Variants in TLCD4 observed in about 807,000 individuals in gnomAD.
TLCD4 encodes the protein TLC domain-containing protein 4.
A neutral mutation model predicts 24.2 loss-of-function variants in TLCD4; 7 were observed. That is an observed-to-expected ratio of 0.29 (90% CI 0.16 to 0.54). TLCD4 has a LOEUF of 0.54. Among genes scored for constraint, TLCD4 ranks in the 20% least tolerant of loss-of-function variants. TLCD4 has a pLI of 0.95. For missense variants in TLCD4, 259 were observed against 313.9 expected (o/e 0.82, Z 1.32); for synonymous variants, 103 against 106.4 (o/e 0.97, Z 0.20).
the TLCD4 span, among the ~76,000 whole-genome samples, chr1:95,104,679 A>AAAAAAAAAAAAAAAAAAAAAAAAAC: frequency 6.8e-6 from 1 of 147,952 alleles, no homozygotes; most frequent in Non-Finnish European, 1.5e-5. Context: ...AAAAAAAAAA[A>AAAAAAAAAAAAAAAAAAAAAAAAAC]AGCGTTTAAC....
intron 6 of TLCD4, 57 bp downstream of exon 6, chr1:95,173,946 G>C: frequency 6.2e-7 from 1 of 1,606,586 alleles, no homozygotes; most frequent in South Asian, 1.1e-5. Context: ...TTTAGTTTGG[G>C]CAAATCCTTT....
chr1:95,136,446 C>G (rs1409892229), intron 1 of TLCD4, among the ~76,000 whole-genome samples: 1 of 152,188 alleles, frequency 6.6e-6, no homozygotes, highest in African/African-American at 2.4e-5. Flanking sequence ...AAACCTGATT[C>G]TGTTAACTTA....
At chr1:95,098,196 C>T in the TLCD4 span, among the ~76,000 whole-genome samples, 10 of 152,226 alleles carry the variant, frequency 6.6e-5, no homozygotes, top group East Asian at 1.9e-4. Flanking sequence ...GTTCTCTTTC[C>T]TAAAGTCATA....
chr1:95,117,840 G>A (rs535795748), intron 1 of TLCD4: 4 of 151,250 alleles, frequency 2.6e-5, no homozygotes, highest in Non-Finnish European at 4.4e-5. Context: ...GTGTGCGGAA[G>A]GCTCAGCATC....
intron 1 of TLCD4, among the ~76,000 whole-genome samples, chr1:95,126,538 T>G (rs941336678): frequency 6.6e-6 from 1 of 151,938 alleles, no homozygotes; most frequent in Non-Finnish European, 1.5e-5. Context: ...CTTGAAACAG[T>G]GATTTATTAT....
At chr1:95,144,983 A>C (rs2100938661) in intron 2 of TLCD4, among the ~76,000 whole-genome samples, 1 of 152,228 alleles carries the variant, frequency 6.6e-6, no homozygotes, top group Middle Eastern at 3.4e-3. Context: ...GAGCCACTGC[A>C]CCCTGCCAGA....
intron 1 of TLCD4, among the ~76,000 whole-genome samples, chr1:95,122,741 A>C (rs1191873749): frequency 6.6e-6 from 1 of 152,190 alleles, no homozygotes; most frequent in African/African-American, 2.4e-5. Flanking sequence ...CACATTGATG[A>C]GTTTATGCAT....
At chr1:95,118,306 G>A (rs1463463434) in intron 1 of TLCD4, among the ~76,000 whole-genome samples, 1 of 152,114 alleles carries the variant, frequency 6.6e-6, no homozygotes, top group Non-Finnish European at 1.5e-5. Flanking sequence ...AATGGGATTC[G>A]TAATGCCAGC....
At chr1:95,123,000 G>A (rs548618500) in intron 1 of TLCD4, among the ~76,000 whole-genome samples, 8 of 151,580 alleles carry the variant, frequency 5.3e-5, no homozygotes, top group Admixed American at 2.0e-4. Flanking sequence ...GAGAAATAGG[G>A]TCTCACTGTG....
chr1:95,183,131 G>A (rs1678706233), intron 6 of TLCD4, among the ~76,000 whole-genome samples: 1 of 152,128 alleles, frequency 6.6e-6, no homozygotes, highest in Non-Finnish European at 1.5e-5. Flanking sequence ...CAAAAGTTTG[G>A]GTTAGGTTAC....
At chr1:95,128,815 T>C (rs1311731265) in intron 1 of TLCD4, among the ~76,000 whole-genome samples, 1 of 152,186 alleles carries the variant, frequency 6.6e-6, no homozygotes, top group Non-Finnish European at 1.5e-5. Flanking sequence ...AGGCACTTAA[T>C]TGGATCAGAG....
At chr1:95,128,079 C>T (rs1022443150) in intron 1 of TLCD4, among the ~76,000 whole-genome samples, 1 of 151,982 alleles carries the variant, frequency 6.6e-6, no homozygotes, top group Non-Finnish European at 1.5e-5. Context: ...CTAGCCTGGG[C>T]GAAAGAGTAA....
At chr1:95,124,165 A>G (rs1471963287) in intron 1 of TLCD4, among the ~76,000 whole-genome samples, 1 of 152,220 alleles carries the variant, frequency 6.6e-6, no homozygotes, top group Non-Finnish European at 1.5e-5. Context: ...TTTTTTACAA[A>G]GATGCATATG....
rs560766928 is a variant in TLCD4 at position 95,160,003 on chromosome 1, C to T, written c.399+8584C>T. 5.8e-4 allele frequency among the ~76,000 whole-genome samples: 89 copies of T among 152,234 alleles called. 1 individual carries two copies. The highest frequency in any genetic ancestry group is 4.4e-3 in the Admixed American group (68 of 15,292). Reference sequence around the variant, plus strand: ...TGGCAATGCGGGCTCTTTTTTCATTCCATATGAACTTTAAAGTAGTTTTTT... The same window carrying T: ...TGGCAATGCGGGCTCTTTTTTCATTTCATATGAACTTTAAAGTAGTTTTTT... On this transcript the variant is annotated intron_variant, in intron 5 of 6. Coordinates refer to ENST00000370203, the MANE Select transcript of TLCD4 (RefSeq NM_152487.3).
chr1:95,105,149 G>C, the TLCD4 span, among the ~76,000 whole-genome samples: 1 of 152,160 alleles, frequency 6.6e-6, no homozygotes, highest in East Asian at 1.9e-4. Context: ...GAGTATAATT[G>C]TACCACATAT....
At chr1:95,183,763 G>T (rs939349029) in intron 6 of TLCD4, among the ~76,000 whole-genome samples, 3 of 152,058 alleles carry the variant, frequency 2.0e-5, no homozygotes, top group African/African-American at 7.2e-5. Flanking sequence ...GCTTGAATCT[G>T]GGAGGCGGAG....
intron 6 of TLCD4, 129 bp downstream of exon 6, chr1:95,174,018 A>G (rs1346094202): frequency 2.5e-5 from 33 of 1,308,746 alleles, no homozygotes; most frequent in Admixed American, 2.5e-5. Context: ...TGTTATCACC[A>G]TCATACAAAT....
chr1:95,092,564 C>G, the TLCD4 span, among the ~76,000 whole-genome samples: 1 of 152,346 alleles, frequency 6.6e-6, no homozygotes, highest in Non-Finnish European at 1.5e-5. Flanking sequence ...CTACTGCTCA[C>G]TCTTTAGGTC....
chr1:95,169,048 T>G (rs895243984), intron 5 of TLCD4, among the ~76,000 whole-genome samples: 1 of 152,172 alleles, frequency 6.6e-6, no homozygotes, highest in African/African-American at 2.4e-5. Context: ...CTCAGCGCAG[T>G]TTCTGAGAAG....
Sources: allele counts gnomAD v4.1 joint callset (sites outside exome capture counted in the v4.1 genomes callset), GRCh38; gene constraint gnomAD v4.1.1; transcripts MANE v1.5; gene names NCBI Gene and HGNC (gene_info 2026-07-23, HGNC 2026-07-21).